The following KLKB1 variants were observed in gnomAD, a reference collection of about 807,000 sequenced individuals.
The protein encoded by KLKB1 is kallikrein B1, also known as plasma kallikrein.
In KLKB1, 58 loss-of-function variants were observed where a neutral mutation model predicts 73.6. The observed-to-expected ratio is 0.79, with a 90% confidence interval of 0.64 to 0.98. The LOEUF is 0.98. Ranked by LOEUF, KLKB1 falls within the 50% of genes least tolerant of loss-of-function variation. KLKB1 has a pLI of 0.00. For synonymous variants in KLKB1, 280 were observed against 258.1 expected (o/e 1.08, Z -0.81); for missense variants, 737 against 763.8 (o/e 0.96, Z 0.41).
rs201135012 is a variant in KLKB1, at chr4:186,250,375, C to G, written c.731C>G (p.Thr244Arg). 1 of 1,614,126 alleles carries G rather than the reference C, an allele frequency of 6.2e-7. No homozygotes were observed. The highest frequency in any genetic ancestry group is 1.3e-5 in the African/African-American group (1 of 75,050). ...HPNCLFFTFY[T>R]NVWKIESQRN... ...AACTGCCTCTTCTTTACATTCTATA[C>G]AAATGTATGGAAAATCGAGTCACAA... The change falls in exon 7 of 15, where the codon ACA (threonine) becomes AGA (arginine). Residue 244 changes from threonine (T) to arginine (R), a missense_variant. Physicochemically the swap from Thr to Arg is moderately conservative, Grantham distance 71. Transcript: ENST00000264690.
chr4:186,251,450 C>G (rs1738669188), intron 8 of KLKB1, 37 bp from the exon 9 acceptor site: 1 of 1,600,872 alleles, frequency 6.2e-7, no homozygotes, highest in Admixed American at 1.7e-5. Context: ...CATTGCTTTT[C>G]CCATCTGATA....
At chr4:186,216,825 C>T (rs1048960206) in intron 2 of KLKB1, among the ~76,000 whole-genome samples, 7 of 152,272 alleles carry the variant, frequency 4.6e-5, no homozygotes, top group Middle Eastern at 3.4e-3. Flanking sequence ...CTGACATCTC[C>T]TTATGCTGAC....
rs186125693 is a variant in KLKB1, at chr4:186,234,109, A to G, written c.328+51A>G. ...TTTGAGTTAATATTGGATCTCGCTT[A>G]GAACAGCTTTTGCTCAAAGTTTGTA... On this transcript the variant is annotated intron_variant, in intron 4 of 14. Coordinates refer to ENST00000264690, the MANE Select transcript of KLKB1 (RefSeq NM_000892.5). 7.7e-5 allele frequency: 106 copies of G among 1,385,576 alleles called. No individual in the cohort carries two copies. The African/African-American group carries it at 1.4e-3, about 18-fold the overall frequency. The allele number at this position is 1,385,576 out of a possible 1,614,324, so 85.8% of individuals were successfully genotyped here. A position where few individuals can be genotyped will look rare whatever the true frequency, so the allele number is the denominator to read the frequency against.
rs758347925 is a variant in KLKB1 at position 186,250,299 on chromosome 4, G to A, written c.655G>A (p.Val219Ile). ...LAFSDVDVARVLTPDAFVCRT... is the reference protein window; with the variant it reads ...LAFSDVDVARILTPDAFVCRT... ...GTTCTCAGATGTGGATGTTGCCAGGGTTCTCACTCCAGATGCTTTTGTGTG... is the reference window on the plus strand; with the variant it reads ...GTTCTCAGATGTGGATGTTGCCAGGATTCTCACTCCAGATGCTTTTGTGTG... The change falls in exon 7 of 15, where the codon GTT becomes ATT. Residue 219 changes from valine to isoleucine, a missense_variant. Transcript: ENST00000264690. 8 of 1,614,022 alleles carry A rather than the reference G, an allele frequency of 5.0e-6. No individual in the cohort carries two copies. The highest frequency in any genetic ancestry group is 6.8e-6 in the Non-Finnish European group (8 of 1,179,954).
At chr4:186,255,017 C>T (rs370335965) in intron 12 of KLKB1, among the ~76,000 whole-genome samples, 2 of 152,114 alleles carry the variant, frequency 1.3e-5, no homozygotes, top group Non-Finnish European at 2.9e-5. Context: ...AAATAATGGG[C>T]GTGGGAAATG....
chr4:186,238,235 A>G, intron 5 of KLKB1, 21 bp from the exon 6 acceptor site: 1 of 1,514,724 alleles, frequency 6.6e-7, no homozygotes, highest in Admixed American at 1.7e-5. Flanking sequence ...AAGCAAAGTA[A>G]CCTCTTTTCT....
chr4:186,245,823 G>GTTTTTTTTTTTTTTTTTTTTTTTT (rs1561460148), intron 6 of KLKB1, among the ~76,000 whole-genome samples: 1 of 48,604 alleles, frequency 2.1e-5, no homozygotes, highest in Non-Finnish European at 5.8e-5. Flanking sequence ...TTTGTTTTTT[G>GTTTTTTTTTTTTTTTTTTTTTTTT]GTTTTTTTTT....
rs142473010 is a variant in KLKB1, at chr4:186,256,098, C to T, written c.1585+11C>T. The T allele has an allele frequency of 5.4e-5, 83 of 1,534,374 alleles. No homozygotes were observed. Among genetic ancestry groups the T allele is most frequent in the African/African-American group, 3.5e-4 (26 of 73,312 alleles). On this transcript the variant is annotated intron_variant, in intron 13 of 14. Coordinates refer to ENST00000264690, the MANE Select transcript of KLKB1 (RefSeq NM_000892.5). ...TCTCGAAGGAGAAAGGTAAGCATGA[C>T]GCTTTAAATATTGCTTCTAGAGTAA...
intron 2 of KLKB1, among the ~76,000 whole-genome samples, chr4:186,216,242 T>C (rs1321106757): frequency 6.6e-6 from 1 of 152,236 alleles, no homozygotes; most frequent in Non-Finnish European, 1.5e-5. Flanking sequence ...TTCATGTGCT[T>C]ATTTATTTAT....
chr4:186,213,712 A>G (rs1736804059), intron 2 of KLKB1, among the ~76,000 whole-genome samples: 1 of 152,206 alleles, frequency 6.6e-6, no homozygotes, highest in African/African-American at 2.4e-5. Flanking sequence ...GGCTCTATGC[A>G]TTGTCACAGA....
At chr4:186,256,634 C>T (rs1277624569) in intron 13 of KLKB1, among the ~76,000 whole-genome samples, 1 of 152,134 alleles carries the variant, frequency 6.6e-6, no homozygotes, top group Admixed American at 6.5e-5. Context: ...TTCACTAAGC[C>T]ATGAAAGCTC....
chr4:186,238,313 G>C lies in KLKB1; in HGVS notation c.546G>C (p.Leu182=), dbSNP rs769742499. 2 of 1,614,062 alleles carry C rather than the reference G, an allele frequency of 1.2e-6. No individual in the cohort carries two copies. The highest frequency in any genetic ancestry group is 1.7e-6 in the Non-Finnish European group (2 of 1,179,936). The change falls in exon 6 of 15, where the codon CTG becomes CTC. Residue 182 remains leucine (L), a synonymous_variant. Transcript: ENST00000264690. The part of the protein sequence containing the change: ...PGGTPTAIKV[L]SNVESGFSLK... ...GAACACCTACCGCTATAAAGGTGCT[G>C]AGTAACGTGGAATCTGGATTCTCAC...
intron 2 of KLKB1, among the ~76,000 whole-genome samples, chr4:186,215,117 A>T (rs1736853258): frequency 6.6e-6 from 1 of 152,212 alleles, no homozygotes; most frequent in South Asian, 2.1e-4. Flanking sequence ...GGTCATACAG[A>T]CATTATAGAT....
intron 2 of KLKB1, among the ~76,000 whole-genome samples, chr4:186,215,686 A>C (rs146062065): frequency 1.7e-3 from 257 of 152,168 alleles, no homozygotes; most frequent in African/African-American, 5.9e-3. Context: ...GGATCATCCC[A>C]CCTCAGTCTG....
chr4:186,245,823 G>T (rs55670520), intron 6 of KLKB1, among the ~76,000 whole-genome samples: 3,306 of 46,284 alleles, frequency 0.071, 318 homozygotes, highest in Non-Finnish European at 0.12. Flanking sequence ...TTTGTTTTTT[G>T]GTTTTTTTTT....
chr4:186,240,977 G>T (rs1738012678), intron 6 of KLKB1, among the ~76,000 whole-genome samples: 1 of 152,132 alleles, frequency 6.6e-6, no homozygotes, highest in Non-Finnish European at 1.5e-5. Flanking sequence ...AGAGCACCCT[G>T]GATGGCTCAT....
In KLKB1 at chr4:186,255,979, A is replaced by T; in HGVS notation, c.1490-13A>T. Reference sequence around the variant, plus strand: ...TTATTTGACCAAACTCTAATTTAAAAATTATGTTTCAGAATTCCAAAAACC... The same window carrying T: ...TTATTTGACCAAACTCTAATTTAAATATTATGTTTCAGAATTCCAAAAACC... On this transcript the variant is annotated splice_polypyrimidine_tract_variant and intron_variant, in intron 12 of 14. Coordinates refer to ENST00000264690, the MANE Select transcript of KLKB1 (RefSeq NM_000892.5). 1 of 1,539,104 alleles carries T rather than the reference A, an allele frequency of 6.5e-7. No homozygotes were observed. The highest frequency in any genetic ancestry group is 9.0e-7 in the Non-Finnish European group (1 of 1,111,910).
intron 6 of KLKB1, among the ~76,000 whole-genome samples, chr4:186,242,727 G>A (rs4253277): frequency 0.83 from 126,208 of 152,004 alleles, 52,608 homozygotes; most frequent in East Asian, 0.92. Context: ...TACTTGCTTG[G>A]TTGGTGAGTT....
At chr4:186,253,697 T>C (rs958091514) in intron 11 of KLKB1, among the ~76,000 whole-genome samples, 1 of 152,176 alleles carries the variant, frequency 6.6e-6, no homozygotes, top group Admixed American at 6.5e-5. Context: ...ATGATAAAGA[T>C]TTCCAGATCT....
Sources: gnomAD v4.1 joint callset for allele counts (sites outside exome capture counted in the v4.1 genomes callset) on GRCh38, gnomAD v4.1.1 for gene constraint, MANE v1.5 for transcripts, NCBI Gene and HGNC (gene_info 2026-07-23, HGNC 2026-07-21) for gene names.